SGIP1: variants seen among roughly 807,000 people sequenced by gnomAD.
SGIP1 encodes SH3GL interacting endocytic adaptor 1.
A neutral mutation model predicts 107.5 loss-of-function variants in SGIP1; 38 were observed. The observed-to-expected ratio is 0.35, with a 90% CI of 0.27 to 0.46. SGIP1 has a LOEUF of 0.46. SGIP1 is among the 20% of genes least tolerant of loss of function. The probability of loss-of-function intolerance (pLI) is 1.00; values close to 1 mark genes in which losing one functional copy is unlikely to be tolerated. For missense variants in SGIP1, 929 were observed against 1,019.5 expected, an observed-to-expected ratio of 0.91 and a Z score of 1.21; for synonymous variants, 365 against 366.1, an observed-to-expected ratio of 1.00 and a Z score of 0.03.
intron 1 of SGIP1, among the ~76,000 whole-genome samples, chr1:66,560,875 C>T (rs2058835787): frequency 6.6e-6 from 1 of 151,990 alleles, no homozygotes. Flanking sequence ...AGAATAGCAT[C>T]TACCTCTCTT....
chr1:66,619,596 A>G (rs1486940070), intron 1 of SGIP1, among the ~76,000 whole-genome samples: 1 of 152,178 alleles, frequency 6.6e-6, no homozygotes, highest in Non-Finnish European at 1.5e-5. Flanking sequence ...ACCATTCTAC[A>G]TTTGGCCTCT....
At chr1:66,673,466 A>G in intron 12 of SGIP1, 100 bp downstream of exon 12, 2 of 1,095,962 alleles carry the variant, frequency 1.8e-6, no homozygotes, top group South Asian at 2.2e-5. Context: ...TATTTTTAAT[A>G]TATTATTTTC....
chr1:66,694,794 T>C (rs1287425979), intron 17 of SGIP1: 1 of 336,772 alleles, frequency 3.0e-6, no homozygotes, highest in Non-Finnish European at 5.3e-6. Context: ...ATTTAACTGC[T>C]CAGAATTACA....
chr1:66,589,480 G>T (rs897998169), intron 1 of SGIP1, among the ~76,000 whole-genome samples: 2 of 151,876 alleles, frequency 1.3e-5, no homozygotes, highest in East Asian at 3.9e-4. Context: ...AATTCAAACT[G>T]TTGGCTTTTC....
intron 1 of SGIP1, among the ~76,000 whole-genome samples, chr1:66,604,503 G>A (rs1292906487): frequency 1.3e-5 from 2 of 152,162 alleles, no homozygotes; most frequent in Non-Finnish European, 2.9e-5. Flanking sequence ...TCTACATTAA[G>A]CTGTGTAAAC....
chr1:66,734,061 A>T (rs2094129830), intron 21 of SGIP1, among the ~76,000 whole-genome samples, 181 bp downstream of exon 21: 1 of 152,238 alleles, frequency 6.6e-6, no homozygotes, highest in Non-Finnish European at 1.5e-5. Context: ...AAATATTCAT[A>T]CATATTCTTA....
rs1202761213 is a variant in SGIP1 at position 66,745,197 on chromosome 1, T to A, written c.*2102T>A. ...TTTTCCCAAAAAATAATTTTACTGA[T>A]TTTTAAAAATTTAATTAAAAACATA... On this transcript the variant is annotated 3_prime_UTR_variant, in exon 25 of 25. Coordinates refer to ENST00000371037, the MANE Select transcript of SGIP1 (RefSeq NM_032291.4). 1 of 152,010 alleles carries A rather than the reference T, an allele frequency of 6.6e-6. No individual in the cohort carries two copies. The highest frequency in any genetic ancestry group is 3.2e-3 in the Middle Eastern group (1 of 316). 9.4% of individuals were successfully genotyped at this position (152,010 alleles called of 1,614,324 possible). A position where few individuals can be genotyped will look rare whatever the true frequency, so the allele number is the denominator to read the frequency against.
intron 4 of SGIP1, among the ~76,000 whole-genome samples, chr1:66,637,955 T>C (rs577182441): frequency 2.6e-5 from 4 of 151,890 alleles, no homozygotes; most frequent in African/African-American, 9.6e-5. Context: ...GATGAGATTA[T>C]CATGGAAGCA....
intron 17 of SGIP1, among the ~76,000 whole-genome samples, chr1:66,693,687 T>C (rs2090333109): frequency 6.6e-6 from 1 of 152,232 alleles, no homozygotes; most frequent in Admixed American, 6.5e-5. Flanking sequence ...AAATCCCAAT[T>C]ACTTGCATTT....
chr1:66,651,962 G>A (rs1203890907), intron 7 of SGIP1, among the ~76,000 whole-genome samples: 4 of 152,064 alleles, frequency 2.6e-5, no homozygotes, highest in Non-Finnish European at 5.9e-5. Context: ...TTTTATAAAT[G>A]CCCAGTCATG....
intron 19 of SGIP1, among the ~76,000 whole-genome samples, chr1:66,722,327 C>A (rs1486878194): frequency 6.6e-6 from 1 of 152,206 alleles, no homozygotes; most frequent in South Asian, 2.1e-4. Flanking sequence ...CCCACCCCGT[C>A]AACATTTTCT....
At chr1:66,594,637 A>G (rs892234163) in intron 1 of SGIP1, among the ~76,000 whole-genome samples, 1 of 152,170 alleles carries the variant, frequency 6.6e-6, no homozygotes, top group Non-Finnish European at 1.5e-5. Flanking sequence ...AGATTTGCAT[A>G]TAAAGATTTG....
At chr1:66,649,479 A>T (rs976189662) in intron 7 of SGIP1, among the ~76,000 whole-genome samples, 5 of 152,190 alleles carry the variant, frequency 3.3e-5, no homozygotes, top group Admixed American at 3.3e-4. Flanking sequence ...GGTTGTTGCC[A>T]TGGTCATCTC....
chr1:66,534,577 G>A (rs1192477396), intron 1 of SGIP1, among the ~76,000 whole-genome samples: 2 of 152,222 alleles, frequency 1.3e-5, no homozygotes, highest in Non-Finnish European at 2.9e-5. Context: ...AGAACCTACA[G>A]AGCTCCCAGC....
chr1:66,592,897 C>T lies in SGIP1; in HGVS notation c.11-32950C>T, dbSNP rs1346445830. ...CTTTCCTTCTTTCTTTCTTCTTCTT[C>T]TTTTTTTTTTTTTTTTTTTTTTTTT... On this transcript the variant is annotated intron_variant, in intron 1 of 24. Coordinates refer to ENST00000371037, the MANE Select transcript of SGIP1 (RefSeq NM_032291.4). Among the ~76,000 whole-genome samples the T allele has an allele frequency of 1.8e-3, 100 of 56,348 alleles. 1 individual carries two copies. Among genetic ancestry groups the T allele is most frequent in the African/African-American group, 6.9e-3 (80 of 11,648 alleles). The allele number at this position is 56,348 out of a possible 152,430, so 37.0% of individuals were successfully genotyped here.
At chr1:66,606,988 T>C (rs2066973162) in intron 1 of SGIP1, among the ~76,000 whole-genome samples, 1 of 152,216 alleles carries the variant, frequency 6.6e-6, no homozygotes, top group Non-Finnish European at 1.5e-5. Flanking sequence ...TATCATACCA[T>C]GTTCATGAAT....
At chr1:66,672,581 A>G (rs1373245385) in intron 11 of SGIP1, among the ~76,000 whole-genome samples, 2 of 152,212 alleles carry the variant, frequency 1.3e-5, no homozygotes, top group African/African-American at 4.8e-5. Context: ...GCCCGTTACC[A>G]TACCACATAG....
intron 19 of SGIP1, among the ~76,000 whole-genome samples, chr1:66,720,379 T>G (rs682896): frequency 6.6e-6 from 1 of 152,010 alleles, no homozygotes; most frequent in South Asian, 2.1e-4. Context: ...AAGAATTGCT[T>G]TTAATTTTTT....
chr1:66,637,029 T>C (rs1422496661), intron 4 of SGIP1, among the ~76,000 whole-genome samples: 1 of 138,722 alleles, frequency 7.2e-6, no homozygotes, highest in Admixed American at 7.4e-5. Flanking sequence ...AGGTAGGATT[T>C]TTGAATTTTA....
Sources: allele counts gnomAD v4.1 joint callset (sites outside exome capture counted in the v4.1 genomes callset), GRCh38; gene constraint gnomAD v4.1.1; transcripts MANE v1.5; gene names NCBI Gene and HGNC (gene_info 2026-07-23, HGNC 2026-07-21).